The following SYNE1 variants were observed in gnomAD, a reference collection of about 807,000 sequenced individuals.
SYNE1 encodes the protein spectrin repeat containing nuclear envelope protein 1, also known as nesprin-1.
Under a neutral mutation model 1,111.0 loss-of-function variants are expected in SYNE1, and 616 were observed. The observed-to-expected ratio is 0.55, with a 90% CI of 0.52 to 0.59. SYNE1 has a LOEUF of 0.59. Ranked by LOEUF, SYNE1 falls within the 20% of genes least tolerant of loss-of-function variation. SYNE1 has a pLI of 0.00. For missense variants in SYNE1, 10,006 were observed against 10,417.0 expected, an observed-to-expected ratio of 0.96 and a Z score of 1.72; for synonymous variants, 3,855 against 3,825.8, an observed-to-expected ratio of 1.01 and a Z score of -0.28.
chr6:152,491,434 A>C (rs12201105), intron 11 of SYNE1, among the ~76,000 whole-genome samples: 1 of 151,738 alleles, frequency 6.6e-6, no homozygotes, highest in Admixed American at 6.6e-5. Context: ...CTCCTTCACT[A>C]TGGGCAAGCT....
chr6:152,140,950 C>G (rs1322496290), intron 139 of SYNE1, among the ~76,000 whole-genome samples: 3 of 152,002 alleles, frequency 2.0e-5, no homozygotes, highest in Admixed American at 6.6e-5. Flanking sequence ...CGGGAGAATG[C>G]CATGAACCTG....
At chr6:152,563,291 T>C (rs1365614500) in intron 3 of SYNE1, among the ~76,000 whole-genome samples, 1 of 152,132 alleles carries the variant, frequency 6.6e-6, no homozygotes, top group Non-Finnish European at 1.5e-5. Flanking sequence ...ATTATCACTA[T>C]AGCAACATCT....
chr6:152,401,327 G>C lies in SYNE1; in HGVS notation c.6840C>G (p.Asp2280Glu). The C allele has an allele frequency of 1.2e-6, 2 of 1,613,706 alleles. No homozygotes were observed. Among genetic ancestry groups the C allele is most frequent in the Non-Finnish European group, 1.7e-6 (2 of 1,179,988 alleles). ...TPPDLQFIEA[D>E]LMQKLEHAKE... ...TGGCATGCTCCAGTTTCTGCATTAA[G>C]TCTGCTTCTATAAACTAAATATCAA... The change falls in exon 47 of 146, where the codon GAC becomes GAG. Residue 2280 changes from aspartate to glutamate, a missense_variant. Coordinates refer to ENST00000367255, the MANE Select transcript of SYNE1 (RefSeq NM_182961.4).
chr6:152,598,535 A>G (rs1299377705), intron 3 of SYNE1, among the ~76,000 whole-genome samples: 2 of 152,220 alleles, frequency 1.3e-5, no homozygotes, highest in Admixed American at 6.5e-5. Context: ...AGTTTTTCAT[A>G]AACTCAATGG....
chr6:152,596,115 A>G (rs1326158233), intron 3 of SYNE1, among the ~76,000 whole-genome samples: 1 of 148,872 alleles, frequency 6.7e-6, no homozygotes, highest in Non-Finnish European at 1.5e-5. Flanking sequence ...AAAAAAAAAA[A>G]AAAAAAAAAA....
At chr6:152,240,264 G>A (rs1052730320) in intron 107 of SYNE1, among the ~76,000 whole-genome samples, 4 of 152,088 alleles carry the variant, frequency 2.6e-5, no homozygotes, top group Non-Finnish European at 5.9e-5. Flanking sequence ...TGCCAGGACA[G>A]TTGGAGCTCT....
intron 21 of SYNE1, among the ~76,000 whole-genome samples, chr6:152,459,540 A>G (rs1036441024): frequency 6.6e-5 from 10 of 152,174 alleles, no homozygotes; most frequent in African/African-American, 1.7e-4. Flanking sequence ...TTCCCATGCT[A>G]GGGGAGGGCT....
chr6:152,526,558 T>G (rs2099164610), intron 4 of SYNE1, among the ~76,000 whole-genome samples: 1 of 152,222 alleles, frequency 6.6e-6, no homozygotes, highest in South Asian at 2.1e-4. Context: ...AAGAGCTGCA[T>G]GGACCAACCT....
chr6:152,254,245 T>TTG (rs1491208958), intron 104 of SYNE1, among the ~76,000 whole-genome samples: 261 of 32,068 alleles, frequency 8.1e-3, no homozygotes, highest in Non-Finnish European at 0.013. Flanking sequence ...CTGCATACTC[T>TTG]TTTTTTTTTT....
chr6:152,184,490 A>G (rs1364997105), intron 128 of SYNE1, among the ~76,000 whole-genome samples: 2 of 151,818 alleles, frequency 1.3e-5, no homozygotes, highest in East Asian at 3.9e-4. Context: ...TAAAGACCTG[A>G]CAACAGCTGG....
At chr6:152,573,989 G>C (rs2099485316) in intron 3 of SYNE1, among the ~76,000 whole-genome samples, 1 of 151,980 alleles carries the variant, frequency 6.6e-6, no homozygotes, top group Admixed American at 6.6e-5. Flanking sequence ...AAAAACATTA[G>C]AGATGTTCAA....
chr6:152,283,317 T>G (rs553316462), intron 96 of SYNE1, among the ~76,000 whole-genome samples: 60 of 152,318 alleles, frequency 3.9e-4, no homozygotes, highest in African/African-American at 1.4e-3. Context: ...CTTTATAGTG[T>G]TAGTAATATC....
intron 65 of SYNE1, 106 bp downstream of exon 65, chr6:152,359,209 C>T (rs778156816): frequency 2.2e-5 from 34 of 1,512,236 alleles, no homozygotes; most frequent in Non-Finnish European, 3.1e-5. Context: ...TGCTTTTGTT[C>T]TGTTTTCCCA....
rs1459978313 is a variant in SYNE1, at chr6:152,267,586, AT to A, written c.18815+469del. Among the ~76,000 whole-genome samples the A allele has an allele frequency of 2.0e-5, 3 of 151,970 alleles. No individual in the cohort carries two copies. The East Asian group carries it at 5.8e-4, about 29-fold the overall frequency. The stretch of plus-strand genomic sequence containing the variant: ...ACTTGAAAATTCTCCAACTTCCTTA[AT>A]TTTTCTTGACTCTTCTGTGTAGAAG... On this transcript the variant is annotated intron_variant, in intron 100 of 145. Coordinates refer to ENST00000367255, the MANE Select transcript of SYNE1 (RefSeq NM_182961.4).
intron 70 of SYNE1, 56 bp downstream of exon 70, chr6:152,351,971 C>G: frequency 6.5e-7 from 1 of 1,544,590 alleles, no homozygotes; most frequent in Admixed American, 1.7e-5. Flanking sequence ...TCACCTCCCT[C>G]CCATTTGGTC....
intron 104 of SYNE1, among the ~76,000 whole-genome samples, chr6:152,253,855 T>TTTTTTTTTTTTA: frequency 8.3e-6 from 1 of 120,870 alleles, no homozygotes; most frequent in Admixed American, 8.9e-5. Context: ...TTTTTTTTTT[T>TTTTTTTTTTTTA]TTTTTGCAAA....
chr6:152,289,902 A>G (rs533025203), intron 95 of SYNE1, among the ~76,000 whole-genome samples: 1 of 148,964 alleles, frequency 6.7e-6, no homozygotes, highest in Non-Finnish European at 1.5e-5. Flanking sequence ...CTGGGATTAC[A>G]GGCATGAGCT....
chr6:152,491,233 C>T (rs543199802), intron 11 of SYNE1, among the ~76,000 whole-genome samples: 2 of 152,060 alleles, frequency 1.3e-5, no homozygotes, highest in East Asian at 3.9e-4. Context: ...TGTGGGGATG[C>T]CTGCCTGATT....
chr6:152,346,247 A>G (rs1010460925), intron 73 of SYNE1, among the ~76,000 whole-genome samples: 12 of 151,968 alleles, frequency 7.9e-5, no homozygotes, highest in African/African-American at 2.9e-4. Flanking sequence ...GCTCACTGCA[A>G]TCTCTGCCTC....
Sources: allele counts gnomAD v4.1 joint callset (sites outside exome capture counted in the v4.1 genomes callset), GRCh38; gene constraint gnomAD v4.1.1; transcripts MANE v1.5; gene names NCBI Gene and HGNC (gene_info 2026-07-23, HGNC 2026-07-21).